The following FBXL13 variants were observed in gnomAD, a reference collection of about 807,000 sequenced individuals.
FBXL13 encodes the protein F-box and leucine-rich repeat protein 13.
FBXL13 carries 67 observed loss-of-function variants against 83.6 expected under a neutral mutation model. That is an observed-to-expected ratio of 0.80 (90% CI 0.66 to 0.98). FBXL13 has a LOEUF of 0.98. FBXL13 is among the 50% of genes least tolerant of loss of function. FBXL13 has a pLI of 0.00. For missense variants in FBXL13, 822 were observed against 866.5 expected (o/e 0.95, Z 0.64); for synonymous variants, 272 against 299.5 (o/e 0.91, Z 0.95).
intron 1 of FBXL13, among the ~76,000 whole-genome samples, chr7:103,067,040 C>T (rs535178535): frequency 6.6e-5 from 10 of 151,966 alleles, no homozygotes; most frequent in Admixed American, 5.2e-4. Context: ...CCGCCTCGGC[C>T]TCCCAAGAAT....
intron 1 of FBXL13, among the ~76,000 whole-genome samples, chr7:103,072,769 T>G (rs1799095509): frequency 6.6e-6 from 1 of 152,032 alleles, no homozygotes; most frequent in Non-Finnish European, 1.5e-5. Context: ...CTTAGAGGAG[T>G]CTTCACTTTC....
At chr7:102,931,848 T>C in intron 9 of FBXL13, 33 bp downstream of exon 10, 2 of 1,603,906 alleles carry the variant, frequency 1.2e-6, no homozygotes, top group Non-Finnish European at 1.7e-6. Context: ...TCAATCTATA[T>C]AAACAGCAGT....
At chr7:103,041,573 A>G (rs1361229857) in intron 2 of FBXL13, among the ~76,000 whole-genome samples, 10 of 152,222 alleles carry the variant, frequency 6.6e-5, no homozygotes, top group African/African-American at 2.4e-4. Context: ...AAAATCCTTA[A>G]TAAAATACTG....
intron 6 of FBXL13, chr7:102,975,993 A>G (rs770238658): frequency 6.5e-6 from 5 of 766,402 alleles, no homozygotes; most frequent in Non-Finnish European, 9.6e-6. Context: ...CCACTGGCCC[A>G]CACAATGCCC....
intron 17 of FBXL13, among the ~76,000 whole-genome samples, chr7:102,837,703 C>T (rs1408200396): frequency 6.6e-6 from 1 of 152,082 alleles, no homozygotes; most frequent in East Asian, 1.9e-4. Context: ...GCTACCATGC[C>T]TGGCTCATTT....
intron 10 of FBXL13, among the ~76,000 whole-genome samples, chr7:102,923,753 A>G (rs1817542805): frequency 1.3e-5 from 2 of 151,870 alleles, no homozygotes; most frequent in Non-Finnish European, 2.9e-5. Flanking sequence ...TGAACCTGGG[A>G]GGCGGAGGTT....
At chr7:102,973,532 C>T (rs763472541) in intron 6 of FBXL13, 1 of 764,392 alleles carries the variant, frequency 1.3e-6, no homozygotes, top group South Asian at 1.3e-5. Context: ...CCCAGGCGCT[C>T]ATTAAAACAG....
At chr7:102,912,813 A>T (rs1815006592) in intron 11 of FBXL13, among the ~76,000 whole-genome samples, 1 of 151,688 alleles carries the variant, frequency 6.6e-6, no homozygotes, top group Non-Finnish European at 1.5e-5. Context: ...TCTGCTTTAG[A>T]CTTGTGCTCA....
intron 7 of FBXL13, among the ~76,000 whole-genome samples, chr7:102,966,691 A>G (rs959048937): frequency 8.5e-5 from 13 of 152,148 alleles, no homozygotes; most frequent in African/African-American, 2.9e-4. Context: ...TCTTTCCACA[A>G]TTGTATGTTG....
intron 6 of FBXL13, among the ~76,000 whole-genome samples, chr7:103,016,315 T>C (rs1166543917): frequency 2.6e-5 from 2 of 75,886 alleles, no homozygotes; most frequent in Admixed American, 1.8e-4. Flanking sequence ...AAAACAGAAA[T>C]GTGGGGGGGG....
In FBXL13 at chr7:102,829,711, G is replaced by A. The variant is rs544878893; in HGVS notation, c.1854+3129C>T. Reference sequence around the variant, plus strand: ...CACAGTACTACTAACTGACCTTCGAGGTGAGGTGGTTGCAAGGAAAAGCCG... The same window carrying A: ...CACAGTACTACTAACTGACCTTCGAAGTGAGGTGGTTGCAAGGAAAAGCCG... On this transcript the variant is annotated intron_variant, in intron 18 of 19. Transcript: ENST00000313221. 2.6e-5 allele frequency among the ~76,000 whole-genome samples: 4 copies of A among 152,254 alleles called. No homozygotes were observed. In the East Asian group the frequency reaches 5.8e-4, roughly 22 times the overall value.
intron 8 of FBXL13, among the ~76,000 whole-genome samples, chr7:102,943,537 G>A (rs1004675030): frequency 2.0e-5 from 3 of 152,064 alleles, no homozygotes; most frequent in Non-Finnish European, 2.9e-5. Flanking sequence ...AGGTAGTAAC[G>A]AAAGAAACAC....
At chr7:102,916,044 C>T (rs993154964) in intron 10 of FBXL13, among the ~76,000 whole-genome samples, 1 of 151,616 alleles carries the variant, frequency 6.6e-6, no homozygotes, top group Admixed American at 6.6e-5. Context: ...AGTGCAATGG[C>T]ATGATCTCGG....
chr7:102,977,340 G>A (rs1827619602), intron 6 of FBXL13, among the ~76,000 whole-genome samples: 1 of 152,214 alleles, frequency 6.6e-6, no homozygotes, highest in Admixed American at 6.5e-5. Context: ...GCTAGCACTA[G>A]ACTACTTATT....
At chr7:103,028,158 C>T (rs1398305414) in intron 4 of FBXL13, among the ~76,000 whole-genome samples, 2 of 152,096 alleles carry the variant, frequency 1.3e-5, no homozygotes, top group Admixed American at 1.3e-4. Context: ...TACCTCCCAC[C>T]CACTCAGTAT....
intron 11 of FBXL13, among the ~76,000 whole-genome samples, chr7:102,907,857 C>T (rs1278055406): frequency 6.6e-6 from 1 of 152,080 alleles, no homozygotes; most frequent in Admixed American, 6.5e-5. Flanking sequence ...ATCAAAACCA[C>T]AATGTGATAC....
intron 6 of FBXL13, among the ~76,000 whole-genome samples, chr7:102,983,858 G>T (rs189089882): frequency 8.1e-4 from 123 of 152,266 alleles, no homozygotes; most frequent in Non-Finnish European, 1.5e-3. Context: ...CAGCCCTGTG[G>T]CTAAAGGAGA....
At chr7:102,965,118 G>A (rs1825839475) in intron 7 of FBXL13, among the ~76,000 whole-genome samples, 1 of 152,170 alleles carries the variant, frequency 6.6e-6, no homozygotes, top group South Asian at 2.1e-4. Context: ...GGGACTCAGG[G>A]CTCAAAGTTA....
chr7:103,043,916 A>G (rs1230685472), intron 2 of FBXL13, among the ~76,000 whole-genome samples: 1 of 152,210 alleles, frequency 6.6e-6, no homozygotes, highest in Non-Finnish European at 1.5e-5. Context: ...TTCGGAAATC[A>G]TTATATGCAC....
Sources: allele counts gnomAD v4.1 joint callset (sites outside exome capture counted in the v4.1 genomes callset), GRCh38; gene constraint gnomAD v4.1.1; transcripts MANE v1.5; gene names NCBI Gene and HGNC (gene_info 2026-07-23, HGNC 2026-07-21).